The following RANBP10 variants were observed in gnomAD, a reference collection of about 807,000 sequenced individuals.
RANBP10 encodes RAN binding protein 10.
In RANBP10, 24 loss-of-function variants were observed where a neutral mutation model predicts 72.8. The ratio of observed to expected loss-of-function variants is 0.33; its 90% CI spans 0.24 to 0.46. RANBP10 has a LOEUF of 0.46. RANBP10 is among the 20% of genes least tolerant of loss of function. The pLI, the probability that RANBP10 is intolerant of heterozygous loss-of-function variation, is 1.00. For synonymous variants in RANBP10, 310 were observed against 322.3 expected (o/e 0.96, Z 0.41); for missense variants, 679 against 817.5 (o/e 0.83, Z 2.07).
In RANBP10 at chr16:67,729,212, G is replaced by A; in HGVS notation, c.1352+68C>T. 2 of 1,579,518 alleles carry A rather than the reference G, an allele frequency of 1.3e-6. No individual in the cohort carries two copies. The highest frequency in any genetic ancestry group is 2.2e-5 in the East Asian group (1 of 44,524). On this transcript the variant is annotated intron_variant, in intron 10 of 13. Coordinates refer to ENST00000317506, the MANE Select transcript of RANBP10 (RefSeq NM_020850.3). The surrounding 1 kb of genome is among the most constrained non-coding windows in gnomAD (Gnocchi z 7.1). ...GGGGTGAAGGGCAGGGCGCTCAAAG[G>A]ACAGACTGCAATGGGCCCAGCTGGC...
chr16:67,767,267 A>AT (rs2054519740), intron 3 of RANBP10, among the ~76,000 whole-genome samples: 2 of 151,984 alleles, frequency 1.3e-5, no homozygotes, highest in Non-Finnish European at 2.9e-5. Flanking sequence ...ACTCCACTCC[A>AT]TGGATCTCAA....
chr16:67,806,040 G>C (rs985566994), intron 1 of RANBP10, among the ~76,000 whole-genome samples: 1 of 152,242 alleles, frequency 6.6e-6, no homozygotes, highest in African/African-American at 2.4e-5. Context: ...GGATAAGCAC[G>C]GAGGCCCTGG....
intron 3 of RANBP10, among the ~76,000 whole-genome samples, chr16:67,745,084 C>T (rs1028313794): frequency 1.1e-4 from 16 of 152,064 alleles, no homozygotes; most frequent in Non-Finnish European, 1.6e-4. Flanking sequence ...CCCGCCTCAG[C>T]CTCCCAAAGT....
intron 3 of RANBP10, among the ~76,000 whole-genome samples, chr16:67,749,620 C>T (rs2054156735): frequency 1.3e-5 from 2 of 152,160 alleles, no homozygotes; most frequent in African/African-American, 2.4e-5. Flanking sequence ...GTGGGAGAGG[C>T]CTTTCTGTTT....
chr16:67,767,275 C>A (rs139592748), intron 3 of RANBP10, among the ~76,000 whole-genome samples: 1 of 151,984 alleles, frequency 6.6e-6, no homozygotes, highest in Non-Finnish European at 1.5e-5. Context: ...CCATGGATCT[C>A]AAACTCAATG....
Position 67,729,707 on chromosome 16 carries a change from G to C in RANBP10, c.1120C>G (p.Pro374Ala). 2 of 1,613,616 alleles carry C rather than the reference G, an allele frequency of 1.2e-6. No homozygotes were observed. Among genetic ancestry groups the C allele is most frequent in the South Asian group, 1.1e-5 (1 of 91,014 alleles). ...GTGTTGTGCATGTGGGAACTACTGG[G>C]GCCATGTCGGGGACTGAGGCTGGGG... is the stretch of plus-strand genomic sequence containing the variant. The part of the protein sequence containing the change: ...GSPSLSPRHG[P>A]SSSHMHNTGA... Residue 374 changes from proline (P) to alanine (A), a missense_variant, in exon 9 of 14, where the codon CCC becomes GCC. Physicochemically the swap from Pro to Ala is conservative, Grantham distance 27 (BLOSUM62 -1). Coordinates refer to ENST00000317506, the MANE Select transcript of RANBP10 (RefSeq NM_020850.3). This position sits in a 1 kb window ranked among gnomAD's most constrained non-coding sequence, Gnocchi z 7.1.
chr16:67,764,831 G>A (rs970736411), intron 3 of RANBP10, among the ~76,000 whole-genome samples: 1 of 152,146 alleles, frequency 6.6e-6, no homozygotes, highest in African/African-American at 2.4e-5. Flanking sequence ...AATGCCAGTA[G>A]AACATTTTGG....
At chr16:67,732,620 A>G (rs1220629513) in intron 6 of RANBP10, among the ~76,000 whole-genome samples, 1 of 152,194 alleles carries the variant, frequency 6.6e-6, no homozygotes, top group Non-Finnish European at 1.5e-5. Context: ...ATATTATAGT[A>G]TAAATAATAA....
At chr16:67,766,893 T>A (rs2054512553) in intron 3 of RANBP10, among the ~76,000 whole-genome samples, 1 of 152,104 alleles carries the variant, frequency 6.6e-6, no homozygotes, top group African/African-American at 2.4e-5. Flanking sequence ...AGAAGTGGTA[T>A]CTAGATGCAA....
At chr16:67,752,606 C>A (rs2054217266) in intron 3 of RANBP10, among the ~76,000 whole-genome samples, 1 of 151,936 alleles carries the variant, frequency 6.6e-6, no homozygotes, top group African/African-American at 2.4e-5. Flanking sequence ...TTTCCAGACA[C>A]AATAAGTGTC....
intron 3 of RANBP10, among the ~76,000 whole-genome samples, chr16:67,764,440 G>A (rs996652023): frequency 2.6e-5 from 4 of 152,068 alleles, no homozygotes; most frequent in Non-Finnish European, 5.9e-5. Context: ...CCATTGTACC[G>A]AGAAGCCAGA....
intron 12 of RANBP10, 114 bp downstream of exon 12, chr16:67,727,637 T>G (rs1272739907): frequency 1.3e-6 from 2 of 1,524,480 alleles, no homozygotes; most frequent in Non-Finnish European, 1.8e-6. Context: ...CACTTCCCTC[T>G]GCAGACCTGG....
chr16:67,788,209 T>C (rs2054952087), intron 2 of RANBP10, among the ~76,000 whole-genome samples: 2 of 152,070 alleles, frequency 1.3e-5, no homozygotes, highest in South Asian at 2.1e-4. Flanking sequence ...TTGATTGAGA[T>C]AGAGTCTCAC....
rs116736276 is a variant in RANBP10, at chr16:67,788,725, G to A, written c.348-16639C>T. Among the ~76,000 whole-genome samples, 611 of 151,622 alleles carry A rather than the reference G, an allele frequency of 4.0e-3. 22 individuals are homozygous for A. Among genetic ancestry groups the A allele is most frequent in the African/African-American group, 0.014 (560 of 41,170 alleles). ...TTTTTAAATTAGTCAGGCAGGACGC[G>A]CACAGTGGCTCACACCTATAATTCC... On this transcript the variant is annotated intron_variant, in intron 2 of 13. Coordinates refer to ENST00000317506, the MANE Select transcript of RANBP10 (RefSeq NM_020850.3).
chr16:67,772,569 C>T (rs116586390), intron 2 of RANBP10, among the ~76,000 whole-genome samples: 143 of 152,288 alleles, frequency 9.4e-4, no homozygotes, highest in African/African-American at 3.4e-3. Flanking sequence ...ACTGCTCAAA[C>T]GAGCTTGTTC....
chr16:67,741,037 G>A (rs1457331142), intron 4 of RANBP10, among the ~76,000 whole-genome samples: 1 of 152,150 alleles, frequency 6.6e-6, no homozygotes, highest in African/African-American at 2.4e-5. Context: ...GGGAGTCCAA[G>A]CTCCGTAAAT....
intron 5 of RANBP10, among the ~76,000 whole-genome samples, chr16:67,736,211 G>C (rs543814693): frequency 6.6e-6 from 1 of 152,132 alleles, no homozygotes; most frequent in East Asian, 1.9e-4. Flanking sequence ...GCCCAGGCTG[G>C]AGTGCAATGG....
chr16:67,739,502 G>T (rs2053924834), intron 4 of RANBP10, among the ~76,000 whole-genome samples: 1 of 152,172 alleles, frequency 6.6e-6, no homozygotes, highest in Non-Finnish European at 1.5e-5. Context: ...TCCATACGCA[G>T]TCAGAGTCCT....
chr16:67,780,100 C>T (rs935003385), intron 2 of RANBP10, among the ~76,000 whole-genome samples: 2 of 152,010 alleles, frequency 1.3e-5, no homozygotes, highest in Non-Finnish European at 2.9e-5. Context: ...GGCGTGGTGG[C>T]GGGTGCCTGT....
Sources: allele counts gnomAD v4.1 joint callset (sites outside exome capture counted in the v4.1 genomes callset), GRCh38; gene constraint gnomAD v4.1.1; non-coding constraint Gnocchi (gnomAD v3.1); transcripts MANE v1.5; gene names NCBI Gene and HGNC (gene_info 2026-07-23, HGNC 2026-07-21).